FAR1: variants seen among roughly 807,000 people sequenced by gnomAD.
FAR1 encodes the protein fatty acyl-CoA reductase 1.
A neutral mutation model predicts 61.1 loss-of-function variants in FAR1; 22 were observed. That is an observed-to-expected ratio of 0.36 (90% CI 0.26 to 0.51). The LOEUF is 0.51. FAR1 is among the 20% of genes least tolerant of loss of function. The pLI is 0.95. For missense variants in FAR1, 359 were observed against 626.9 expected (o/e 0.57, Z 4.56); for synonymous variants, 206 against 209.7 (o/e 0.98, Z 0.15).
chr11:13,700,596 C>G, intron 3 of FAR1, 104 bp downstream of exon 3: 1 of 685,934 alleles, frequency 1.5e-6, no homozygotes, highest in Non-Finnish European at 2.2e-6. Context: ...TGATTTGATA[C>G]TATTTGCCTA....
At chr11:13,726,288 TC>T (rs1848666304) in intron 10 of FAR1, among the ~76,000 whole-genome samples, 1 of 152,090 alleles carries the variant, frequency 6.6e-6, no homozygotes, top group African/African-American at 2.4e-5. Flanking sequence ...CTTTATTTCT[TC>T]CTCCATCCCC....
chr11:13,680,215 G>GT (rs1358248137), intron 1 of FAR1, among the ~76,000 whole-genome samples: 1 of 151,992 alleles, frequency 6.6e-6, no homozygotes, highest in East Asian at 1.9e-4. Context: ...TACACTTTGG[G>GT]TTTGCATTTT....
In FAR1 at chr11:13,729,040, G is replaced by A. The variant is rs1265650498; in HGVS notation, c.*266G>A. On this transcript the variant is annotated 3_prime_UTR_variant, in exon 12 of 12. Coordinates refer to ENST00000354817, the MANE Select transcript of FAR1 (RefSeq NM_032228.6). ...GAGCCCTAGAAGAAAGGGGTGTGCT[G>A]AGGACAAGAGTGGGGAAATAGGAAC... 1 of 290,580 alleles carries A rather than the reference G, an allele frequency of 3.4e-6. No individual in the cohort carries two copies. Among genetic ancestry groups the A allele is most frequent in the African/African-American group, 2.1e-5 (1 of 46,730 alleles). 18.0% of individuals were successfully genotyped at this position (290,580 alleles called of 1,614,324 possible).
intron 3 of FAR1, among the ~76,000 whole-genome samples, chr11:13,702,997 G>A (rs111318386): frequency 4.6e-5 from 7 of 152,088 alleles, no homozygotes; most frequent in African/African-American, 1.7e-4. Context: ...CTTTTCCTTT[G>A]TCAAAGCATC....
chr11:13,676,017 A>G (rs1201897861), intron 1 of FAR1, among the ~76,000 whole-genome samples: 1 of 152,146 alleles, frequency 6.6e-6, no homozygotes. Context: ...TGTACGTTCA[A>G]ATATCCTTGG....
intron 1 of FAR1, among the ~76,000 whole-genome samples, chr11:13,686,039 C>T (rs1452076156): frequency 2.0e-5 from 3 of 152,142 alleles, no homozygotes; most frequent in Non-Finnish European, 1.5e-5. Context: ...GATGTGATGC[C>T]TTGACCTCGC....
chr11:13,685,487 A>C, intron 1 of FAR1: 2 of 216,370 alleles, frequency 9.2e-6, no homozygotes, highest in Non-Finnish European at 2.0e-5. Flanking sequence ...GTGCCATCTC[A>C]TGTGCAATTC....
intron 1 of FAR1, among the ~76,000 whole-genome samples, chr11:13,694,075 A>G (rs2134179469): frequency 6.6e-6 from 1 of 152,262 alleles, no homozygotes; most frequent in South Asian, 2.1e-4. Flanking sequence ...TAATACATGA[A>G]TTCTTCTGCA....
At chr11:13,669,288 AGT>A (rs1477593976) in intron 1 of FAR1, 1 of 152,468 alleles carries the variant, frequency 6.6e-6, no homozygotes, top group Non-Finnish European at 1.5e-5. Flanking sequence ...GGGGCCGGGG[AGT>A]GTGGTTGGCC....
intron 10 of FAR1, 38 bp from the exon 11 acceptor site, chr11:13,727,518 A>C (rs772921630): frequency 6.4e-7 from 1 of 1,556,592 alleles, no homozygotes; most frequent in Non-Finnish European, 8.7e-7. Flanking sequence ...GAGAAAAATT[A>C]GTCAAGAAAA....
intron 7 of FAR1, 90 bp downstream of exon 7, chr11:13,712,136 C>G (rs2134192513): frequency 1.1e-6 from 1 of 882,068 alleles, no homozygotes. Context: ...ATCCCTCTAT[C>G]CAGATATTGC....
intron 2 of FAR1, among the ~76,000 whole-genome samples, chr11:13,699,928 AG>A (rs1317481073): frequency 1.3e-5 from 2 of 152,194 alleles, no homozygotes; most frequent in Non-Finnish European, 2.9e-5. Context: ...TGAAAAATTA[AG>A]ATCTAGATTT....
intron 2 of FAR1, 70 bp downstream of exon 2, chr11:13,695,024 G>T: frequency 8.1e-7 from 1 of 1,241,398 alleles, no homozygotes; most frequent in Non-Finnish European, 1.1e-6. Context: ...TATTGTAGTC[G>T]TCAATAGCTT....
At chr11:13,688,197 G>A (rs1475824040) in intron 1 of FAR1, among the ~76,000 whole-genome samples, 3 of 151,836 alleles carry the variant, frequency 2.0e-5, no homozygotes, top group East Asian at 3.9e-4. Flanking sequence ...TATATATTTA[G>A]TGCTTGTGAA....
In FAR1 at chr11:13,725,921, CTTTT is replaced by C. The variant is rs1056860290; in HGVS notation, c.1258-1628_1258-1625del. On this transcript the variant is annotated intron_variant, in intron 10 of 11. Transcript: ENST00000354817. Reference sequence around the variant, plus strand: ...TCACTCTGGTTTTAAGTTCTTTTTTCTTTTTTTTTTGGCCGCCCTTTAGATTATG... The same window carrying C: ...TCACTCTGGTTTTAAGTTCTTTTTTCTTTTTTGGCCGCCCTTTAGATTATG... Among the ~76,000 whole-genome samples, 4 of 145,136 alleles carry C rather than the reference CTTTT, an allele frequency of 2.8e-5. No homozygotes were observed. The East Asian group carries it at 8.0e-4, about 29-fold the overall frequency.
Position 13,713,943 on chromosome 11 carries a change from T to A in FAR1, c.956-566T>A, listed in dbSNP as rs1205612405. 2.0e-5 allele frequency among the ~76,000 whole-genome samples: 3 copies of A among 152,246 alleles called. No individual in the cohort carries two copies. The East Asian group carries it at 5.8e-4, about 29-fold the overall frequency. On this transcript the variant is annotated intron_variant, in intron 8 of 11. Transcript: ENST00000354817. ...TATAAAGTTTAGTAAAAGCTGAAAT[T>A]GAGCGTTATATTTTAGTGACTATCT...
chr11:13,699,220 C>T (rs1473686656), intron 2 of FAR1, among the ~76,000 whole-genome samples: 4 of 152,176 alleles, frequency 2.6e-5, no homozygotes, highest in Non-Finnish European at 5.9e-5. Context: ...GCCCGTAACA[C>T]TTACCTGTTA....
chr11:13,676,067 G>T (rs953879266), intron 1 of FAR1, among the ~76,000 whole-genome samples: 3 of 152,166 alleles, frequency 2.0e-5, no homozygotes, highest in African/African-American at 4.8e-5. Context: ...ATTCTTTAAT[G>T]TGTAGGCAGA....
chr11:13,727,032 A>C (rs1357625781), intron 10 of FAR1, among the ~76,000 whole-genome samples: 1 of 151,948 alleles, frequency 6.6e-6, no homozygotes, highest in Non-Finnish European at 1.5e-5. Context: ...GGATTTACCT[A>C]TCCTTCTCAT....
Sources: allele counts gnomAD v4.1 joint callset (sites outside exome capture counted in the v4.1 genomes callset), GRCh38; gene constraint gnomAD v4.1.1; transcripts MANE v1.5; gene names NCBI Gene and HGNC (gene_info 2026-07-23, HGNC 2026-07-21).